Variants in PDE3A observed in about 807,000 individuals in gnomAD.
The protein encoded by PDE3A is cGMP-inhibited 3',5'-cyclic phosphodiesterase 3A.
Under a neutral mutation model 98.3 loss-of-function variants are expected in PDE3A, and 43 were observed. That is an observed-to-expected ratio of 0.44 (90% CI 0.34 to 0.56). The LOEUF (loss-of-function observed/expected upper bound fraction) is 0.56. Among genes scored for constraint, PDE3A ranks in the 20% least tolerant of loss-of-function variants. The probability of loss-of-function intolerance (pLI) is 0.01; values close to 1 mark genes in which losing one functional copy is unlikely to be tolerated. For synonymous variants in PDE3A, 663 were observed against 567.9 expected, an observed-to-expected ratio of 1.17 and a Z score of -2.38; for missense variants, 1,427 against 1,440.7, an observed-to-expected ratio of 0.99 and a Z score of 0.15.
At chr12:20,637,025 T>C (rs748548545) in intron 8 of PDE3A, 75 bp from the exon 9 acceptor site, 27 of 979,064 alleles carry the variant, frequency 2.8e-5, no homozygotes, top group Non-Finnish European at 3.6e-5. Flanking sequence ...CAGTTGTTAT[T>C]GAATTTAGCA....
intron 1 of PDE3A, among the ~76,000 whole-genome samples, chr12:20,382,802 A>T (rs867393676): frequency 2.0e-5 from 3 of 152,032 alleles, no homozygotes; most frequent in Non-Finnish European, 4.4e-5. Context: ...TGCCCAGCTG[A>T]ACATGAATAA....
At chr12:20,614,034 G>C (rs1943937201) in intron 3 of PDE3A, among the ~76,000 whole-genome samples, 1 of 152,140 alleles carries the variant, frequency 6.6e-6, no homozygotes, top group African/African-American at 2.4e-5. Flanking sequence ...AAAGAAGGCA[G>C]AAATCCTTGC....
At chr12:20,377,293 A>G (rs187116622) in intron 1 of PDE3A, among the ~76,000 whole-genome samples, 92 of 152,004 alleles carry the variant, frequency 6.1e-4, no homozygotes, top group African/African-American at 2.2e-3. Flanking sequence ...TCTAGAGGCC[A>G]TACACACCCA....
chr12:20,575,531 C>T (rs971882188), intron 2 of PDE3A, among the ~76,000 whole-genome samples: 3 of 151,968 alleles, frequency 2.0e-5, no homozygotes, highest in Non-Finnish European at 4.4e-5. Flanking sequence ...TAGGTAACTT[C>T]AAAAGTCATC....
intron 2 of PDE3A, among the ~76,000 whole-genome samples, chr12:20,594,479 T>C (rs1943417879): frequency 6.6e-6 from 1 of 152,040 alleles, no homozygotes; most frequent in African/African-American, 2.4e-5. Context: ...TTTTTGTATA[T>C]TTTCTGCCAA....
chr12:20,667,233 T>A (rs181353095), intron 15 of PDE3A, among the ~76,000 whole-genome samples: 177 of 152,314 alleles, frequency 1.2e-3, no homozygotes, highest in African/African-American at 4.0e-3. Context: ...AGATTTTCTC[T>A]TCACTATGTT....
chr12:20,373,514 C>G (rs1943516457), intron 1 of PDE3A, among the ~76,000 whole-genome samples: 1 of 152,070 alleles, frequency 6.6e-6, no homozygotes, highest in South Asian at 2.1e-4. Flanking sequence ...TCTCCATTCT[C>G]TTTATAAATA....
At chr12:20,623,201 G>A (rs981761089) in intron 5 of PDE3A, among the ~76,000 whole-genome samples, 1 of 151,958 alleles carries the variant, frequency 6.6e-6, no homozygotes, top group African/African-American at 2.4e-5. Flanking sequence ...GAAGAATTGG[G>A]AAGTATAATA....
At chr12:20,604,524 C>A (rs1943667547) in intron 2 of PDE3A, among the ~76,000 whole-genome samples, 1 of 152,118 alleles carries the variant, frequency 6.6e-6, no homozygotes, top group Non-Finnish European at 1.5e-5. Context: ...CCAGGCTTAG[C>A]TTTCTAGCTC....
chr12:20,404,554 T>A (rs2120677375), intron 1 of PDE3A, among the ~76,000 whole-genome samples: 1 of 152,314 alleles, frequency 6.6e-6, no homozygotes, highest in South Asian at 2.1e-4. Flanking sequence ...TGACAGATAC[T>A]CTTTAAACTT....
chr12:20,665,169 T>A (rs1398007555), intron 15 of PDE3A, among the ~76,000 whole-genome samples: 1 of 152,164 alleles, frequency 6.6e-6, no homozygotes, highest in Non-Finnish European at 1.5e-5. Context: ...GTTCACTATT[T>A]TCCTACTAGA....
intron 1 of PDE3A, among the ~76,000 whole-genome samples, chr12:20,385,541 A>C (rs1470592918): frequency 6.6e-6 from 1 of 152,012 alleles, no homozygotes; most frequent in African/African-American, 2.4e-5. Context: ...AACCAAGCCA[A>C]ATGTCCAACA....
At chr12:20,547,238 C>T (rs534309227) in intron 1 of PDE3A, among the ~76,000 whole-genome samples, 25 of 152,212 alleles carry the variant, frequency 1.6e-4, no homozygotes, top group African/African-American at 5.3e-4. Context: ...ATCCATTACC[C>T]CCACTTGTTC....
intron 3 of PDE3A, among the ~76,000 whole-genome samples, chr12:20,614,148 C>A (rs1565449697): frequency 1.1e-4 from 1 of 8,922 alleles, no homozygotes; most frequent in African/African-American, 1.8e-4. Flanking sequence ...ACCCTCCTGA[C>A]TTTCCAATAC....
intron 5 of PDE3A, among the ~76,000 whole-genome samples, chr12:20,622,447 T>G (rs1944160723): frequency 1.3e-5 from 2 of 152,158 alleles, no homozygotes; most frequent in Admixed American, 1.3e-4. Context: ...AGCTTTTTTG[T>G]ACCATTTTAT....
intron 9 of PDE3A, among the ~76,000 whole-genome samples, chr12:20,637,965 T>C (rs2121513345): frequency 6.6e-6 from 1 of 152,284 alleles, no homozygotes; most frequent in African/African-American, 2.4e-5. Flanking sequence ...TGTGATAATA[T>C]GTATCAGCTT....
intron 3 of PDE3A, among the ~76,000 whole-genome samples, chr12:20,615,118 C>T (rs1371504111): frequency 8.9e-5 from 12 of 135,552 alleles, no homozygotes; most frequent in African/African-American, 3.3e-4. Flanking sequence ...CCAGGCTGGT[C>T]TCAAACTCCT....
At chr12:20,383,166 G>A (rs548376740) in intron 1 of PDE3A, among the ~76,000 whole-genome samples, 6 of 151,806 alleles carry the variant, frequency 4.0e-5, no homozygotes, top group African/African-American at 7.3e-5. Context: ...TTTGAGGGTC[G>A]GTTGTGTAGT....
At chr12:20,542,747 C>T (rs922908896) in intron 1 of PDE3A, among the ~76,000 whole-genome samples, 4 of 151,898 alleles carry the variant, frequency 2.6e-5, no homozygotes, top group Non-Finnish European at 5.9e-5. Flanking sequence ...CTAGGATTTC[C>T]AATTTTTTCT....
Sources: gnomAD v4.1 joint callset for allele counts (sites outside exome capture counted in the v4.1 genomes callset) on GRCh38, gnomAD v4.1.1 for gene constraint, MANE v1.5 for transcripts, NCBI Gene and HGNC (gene_info 2026-07-23, HGNC 2026-07-21) for gene names.